The following AKAP7 variants were observed in gnomAD, a reference collection of about 807,000 sequenced individuals.
AKAP7 encodes A-kinase anchoring protein 7, also known as A kinase (PRKA) anchor protein 7.
AKAP7 carries 39 observed loss-of-function variants against 39.5 expected under a neutral mutation model. The observed-to-expected ratio is 0.99, with a 90% confidence interval of 0.76 to 1.29. The LOEUF (loss-of-function observed/expected upper bound fraction) is 1.29, where lower values mean the gene tolerates loss of function less well. Ranked by LOEUF, AKAP7 falls within the 50% of genes most tolerant of loss-of-function variation. The probability of loss-of-function intolerance (pLI) is 0.00; values close to 1 mark genes in which losing one functional copy is unlikely to be tolerated. For missense variants in AKAP7, 414 were observed against 407.7 expected, an observed-to-expected ratio of 1.02 and a Z score of -0.13; for synonymous variants, 140 against 139.1, an observed-to-expected ratio of 1.01 and a Z score of -0.05.
At chr6:131,169,305 G>C (rs770023957) in intron 5 of AKAP7, 32 bp downstream of exon 5, 2 of 1,601,802 alleles carry the variant, frequency 1.2e-6, no homozygotes, top group East Asian at 4.5e-5. Flanking sequence ...ATGAAATCTT[G>C]TCTGTTGGAG....
chr6:131,241,645 T>C (rs1811634445), intron 7 of AKAP7, among the ~76,000 whole-genome samples: 1 of 60,082 alleles, frequency 1.7e-5, no homozygotes, highest in Non-Finnish European at 3.5e-5. Flanking sequence ...ATATGACAGT[T>C]ATAGGATTCA....
At chr6:131,246,713 A>G (rs922512947) in intron 7 of AKAP7, among the ~76,000 whole-genome samples, 2 of 152,316 alleles carry the variant, frequency 1.3e-5, no homozygotes, top group African/African-American at 4.8e-5. Flanking sequence ...TTGTTTTGAA[A>G]TAGGATTATA....
At chr6:131,140,279 A>G (rs1800918973) in intron 1 of AKAP7, among the ~76,000 whole-genome samples, 1 of 150,952 alleles carries the variant, frequency 6.6e-6, no homozygotes, top group African/African-American at 2.5e-5. Context: ...TTTTTTTTTT[A>G]AAGCTCTGCA....
chr6:131,189,955 C>G (rs1049885173), intron 5 of AKAP7, among the ~76,000 whole-genome samples: 1 of 152,154 alleles, frequency 6.6e-6, no homozygotes, highest in African/African-American at 2.4e-5. Flanking sequence ...CTCAATTATT[C>G]ATAAGCTTCT....
chr6:131,138,529 A>G lies in AKAP7; in HGVS notation c.19+2747A>G, dbSNP rs150678572. Among the ~76,000 whole-genome samples the G allele has an allele frequency of 4.4e-3, 675 of 152,364 alleles. 5 individuals are homozygous for G. The highest frequency in any genetic ancestry group is 0.014 in the Middle Eastern group (4 of 294). ...ATAACCAGAGAGCAGTAAGAAGAAC[A>G]TCGGAAGAATATTTCTGTGGCTTCT... On this transcript the variant is annotated intron_variant, in intron 1 of 7. Transcript: ENST00000431975.
chr6:131,151,496 G>A (rs931632941), intron 2 of AKAP7, among the ~76,000 whole-genome samples: 7 of 151,630 alleles, frequency 4.6e-5, no homozygotes, highest in South Asian at 2.1e-4. Flanking sequence ...TGTAATCCCA[G>A]CACTTTGGGA....
At position 131,282,646 on chromosome 6, in the gene AKAP7, T is replaced by C; in HGVS notation, c.*920T>C. On this transcript the variant is annotated 3_prime_UTR_variant, in exon 8 of 8. Transcript: ENST00000431975. ...GTGACAACATAGCTTATGAAATCTT[T>C]TCAGCTTATTAAGTAGCTCTTTGGT... is the stretch of plus-strand genomic sequence containing the variant. 6.8e-7 allele frequency: 1 copy of C among 1,478,938 alleles called. No individual in the cohort carries two copies. Among genetic ancestry groups the C allele is most frequent in the Non-Finnish European group, 9.1e-7 (1 of 1,100,184 alleles). 91.6% of individuals were successfully genotyped at this position (1,478,938 alleles called of 1,614,324 possible). A position where few individuals can be genotyped will look rare whatever the true frequency, so the allele number is the denominator to read the frequency against.
In AKAP7 at chr6:131,231,058, T is replaced by A. The variant is rs1810585715; in HGVS notation, c.850+11250T>A. 2.6e-5 allele frequency among the ~76,000 whole-genome samples: 4 copies of A among 152,272 alleles called. No homozygotes were observed. The South Asian group carries it at 8.3e-4, about 32-fold the overall frequency. ...GGTCCAGGGAAACCATGAAAAAGTG[T>A]AATCTGTAGATAGTTAACTTAATTT... On this transcript the variant is annotated intron_variant, in intron 7 of 7. Coordinates refer to ENST00000431975, the MANE Select transcript of AKAP7 (RefSeq NM_016377.4).
chr6:131,206,496 A>G (rs1023378794), intron 6 of AKAP7, among the ~76,000 whole-genome samples: 1 of 152,130 alleles, frequency 6.6e-6, no homozygotes, highest in Non-Finnish European at 1.5e-5. Flanking sequence ...GGAGAAGAGG[A>G]TATAGGACAG....
Position 131,187,565 on chromosome 6 carries a change from A to G in AKAP7, c.590-11896A>G, listed in dbSNP as rs537834262. 8.5e-5 allele frequency among the ~76,000 whole-genome samples: 13 copies of G among 152,316 alleles called. No individual in the cohort carries two copies. In the South Asian group the frequency reaches 2.7e-3, roughly 32 times the overall value. On this transcript the variant is annotated intron_variant, in intron 5 of 7. Transcript: ENST00000431975. Reference sequence around the variant, plus strand: ...CTTATCCCCTATATCTCTACTGTAGAAACTATAACAAGTTAGTGTAATTGT... The same window carrying G: ...CTTATCCCCTATATCTCTACTGTAGGAACTATAACAAGTTAGTGTAATTGT...
chr6:131,137,515 T>A (rs1271942019), intron 1 of AKAP7: 2 of 152,420 alleles, frequency 1.3e-5, no homozygotes, highest in Non-Finnish European at 2.9e-5. Flanking sequence ...CCCGAGTAGC[T>A]GGGACTATAG....
chr6:131,194,128 G>A (rs946277734), intron 5 of AKAP7, among the ~76,000 whole-genome samples: 1 of 151,672 alleles, frequency 6.6e-6, no homozygotes, highest in Non-Finnish European at 1.5e-5. Flanking sequence ...GCATCATTAG[G>A]TTATCTATTT....
At chr6:131,270,883 A>G (rs1814215500) in intron 7 of AKAP7, among the ~76,000 whole-genome samples, 1 of 152,130 alleles carries the variant, frequency 6.6e-6, no homozygotes, top group Non-Finnish European at 1.5e-5. Context: ...TTTGTGAAAA[A>G]AACTTTTCAG....
chr6:131,183,036 A>G (rs978058047), intron 5 of AKAP7, among the ~76,000 whole-genome samples: 1 of 152,218 alleles, frequency 6.6e-6, no homozygotes, highest in Non-Finnish European at 1.5e-5. Flanking sequence ...TGGAAATCTT[A>G]GGATGAAAAG....
intron 5 of AKAP7, among the ~76,000 whole-genome samples, chr6:131,195,489 A>G (rs554148230): frequency 4.6e-4 from 70 of 152,244 alleles, no homozygotes; most frequent in Admixed American, 3.9e-3. Context: ...CAGTGTTACA[A>G]TAGTACATAT....
intron 7 of AKAP7, among the ~76,000 whole-genome samples, chr6:131,249,962 A>G (rs900665866): frequency 6.6e-6 from 1 of 152,176 alleles, no homozygotes; most frequent in East Asian, 1.9e-4. Flanking sequence ...CTTTCCCCAC[A>G]CTTAGCCTAT....
At chr6:131,201,100 G>A (rs1468024348) in intron 6 of AKAP7, among the ~76,000 whole-genome samples, 1 of 152,088 alleles carries the variant, frequency 6.6e-6, no homozygotes, top group Non-Finnish European at 1.5e-5. Context: ...TATGAGACTT[G>A]GAATGGTTGT....
At chr6:131,237,926 G>A (rs149927040) in intron 7 of AKAP7, among the ~76,000 whole-genome samples, 17,737 of 152,092 alleles carry the variant, frequency 0.12, 1,264 homozygotes, top group Non-Finnish European at 0.15. Context: ...TCTGATCTTA[G>A]TTATTTCTTG....
At chr6:131,149,993 A>C (rs1237517013) in intron 2 of AKAP7, among the ~76,000 whole-genome samples, 1 of 152,102 alleles carries the variant, frequency 6.6e-6, no homozygotes, top group Non-Finnish European at 1.5e-5. Flanking sequence ...ACATTTATCG[A>C]ATTTATTTAG....
Sources: allele counts gnomAD v4.1 joint callset (sites outside exome capture counted in the v4.1 genomes callset), GRCh38; gene constraint gnomAD v4.1.1; transcripts MANE v1.5; gene names NCBI Gene and HGNC (gene_info 2026-07-23, HGNC 2026-07-21).